RPS6KA3: variants seen among roughly 807,000 people sequenced by gnomAD.
The protein encoded by RPS6KA3 is ribosomal protein S6 kinase A3.
In RPS6KA3, 4 loss-of-function variants were observed where a neutral mutation model predicts 67.2. The observed-to-expected ratio is 0.06, with a 90% CI of 0.03 to 0.14. The LOEUF (loss-of-function observed/expected upper bound fraction) is 0.14, where lower values mean the gene tolerates loss of function less well. Ranked by LOEUF, RPS6KA3 falls within the 10% of genes least tolerant of loss-of-function variation. RPS6KA3 has a pLI of 1.00. For synonymous variants in RPS6KA3, 182 were observed against 183.7 expected (o/e 0.99, Z 0.07); for missense variants, 204 against 559.0 (o/e 0.36, Z 6.40).
intron 1 of RPS6KA3, among the ~76,000 whole-genome samples, chrX:20,255,939 A>C (rs1603432652): frequency 1.0e-5 from 1 of 97,541 alleles, no homozygotes; most frequent in African/African-American, 3.8e-5. Flanking sequence ...GAGAAACCCC[A>C]TTTCTACCAA....
chrX:20,231,815 G>C (rs1014020865), intron 2 of RPS6KA3, among the ~76,000 whole-genome samples: 2 of 111,189 alleles, frequency 1.8e-5, no homozygotes, highest in African/African-American at 6.6e-5. Flanking sequence ...GAGGCAGAGA[G>C]TGGAATGATG....
intron 1 of RPS6KA3, among the ~76,000 whole-genome samples, chrX:20,239,426 G>A (rs2069496073): frequency 9.0e-6 from 1 of 111,660 alleles, no homozygotes; most frequent in African/African-American, 3.2e-5. Flanking sequence ...ATTTATGTAT[G>A]TGCTATATTT....
At chrX:20,182,781 T>C (rs1245166390) in intron 10 of RPS6KA3, among the ~76,000 whole-genome samples, 4 of 111,974 alleles carry the variant, frequency 3.6e-5, no homozygotes, top group Non-Finnish European at 7.5e-5. Context: ...CAAAAACTGC[T>C]TTCCAAAGTG....
At chrX:20,163,929 A>G (rs934670522) in intron 18 of RPS6KA3, among the ~76,000 whole-genome samples, 2 of 111,767 alleles carry the variant, frequency 1.8e-5, no homozygotes, top group African/African-American at 6.5e-5. Context: ...TTGGCCTCCC[A>G]AAGTGCTAGG....
At chrX:20,160,442 T>A (rs1319095357) in intron 20 of RPS6KA3, among the ~76,000 whole-genome samples, 2 of 111,952 alleles carry the variant, frequency 1.8e-5, no homozygotes, top group African/African-American at 3.3e-5. Flanking sequence ...TTTATTTATT[T>A]TTTTGAGACA....
chrX:20,224,624 T>A (rs748546908), intron 2 of RPS6KA3, among the ~76,000 whole-genome samples: 5 of 111,780 alleles, frequency 4.5e-5, no homozygotes, highest in Non-Finnish European at 9.4e-5. Context: ...TAAGCACACA[T>A]CCATCAATAG....
chrX:20,241,559 A>G (rs1420823550), intron 1 of RPS6KA3: 3 of 110,114 alleles, frequency 2.7e-5, no homozygotes, highest in East Asian at 5.6e-4. Flanking sequence ...AATCAAAAGT[A>G]TAAGAAAACT....
rs1044724800 is a variant in RPS6KA3 at position 20,154,513 on chromosome X, T to C, written c.*885A>G. 8.9e-6 allele frequency: 1 copy of C among 112,561 alleles called. No homozygotes were observed. The highest frequency in any genetic ancestry group is 3.2e-5 in the African/African-American group (1 of 30,922). 9.3% of individuals were successfully genotyped at this position (112,561 alleles called of 1,213,427 possible). A position where few individuals can be genotyped will look rare whatever the true frequency, so the allele number is the denominator to read the frequency against. On this transcript the variant is annotated 3_prime_UTR_variant, in exon 22 of 22. Transcript: ENST00000379565. ...TGCCAAATTCTAAGTATGGATGCTATGTAAGATTAGAAGTGCAAGGACTAC... is the reference window on the plus strand; with the variant it reads ...TGCCAAATTCTAAGTATGGATGCTACGTAAGATTAGAAGTGCAAGGACTAC...
Position 20,152,159 on chromosome X carries a change from T to C in RPS6KA3, c.*3239A>G, listed in dbSNP as rs2067113612. ...ACACAAGCTTCATAGCATCTCAACT[T>C]TGGGCCTTGTCAAAATTATTACATT... On this transcript the variant is annotated 3_prime_UTR_variant, in exon 22 of 22. Transcript: ENST00000379565. 1.8e-5 allele frequency: 2 copies of C among 112,266 alleles called. No individual in the cohort carries two copies. Among genetic ancestry groups the C allele is most frequent in the African/African-American group, 6.5e-5 (2 of 30,784 alleles). 9.3% of individuals were successfully genotyped at this position (112,266 alleles called of 1,213,427 possible).
intron 1 of RPS6KA3, among the ~76,000 whole-genome samples, chrX:20,263,672 A>C (rs1427806689): frequency 8.9e-6 from 1 of 111,803 alleles, no homozygotes; most frequent in African/African-American, 3.2e-5. Context: ...GTCTTTTTAA[A>C]TTGTTCATAT....
At chrX:20,163,187 C>T (rs1446860834) in intron 18 of RPS6KA3, 147 bp from the exon 19 acceptor site, 10 of 460,378 alleles carry the variant, frequency 2.2e-5, no homozygotes, top group South Asian at 1.6e-4. Flanking sequence ...TACGTTAATC[C>T]GATTCTAGAA....
At chrX:20,228,738 T>C (rs1317050606) in intron 2 of RPS6KA3, among the ~76,000 whole-genome samples, 1 of 111,437 alleles carries the variant, frequency 9.0e-6, no homozygotes, top group African/African-American at 3.3e-5. Context: ...CATTAGGATA[T>C]TCCTCTAAAA....
intron 1 of RPS6KA3, among the ~76,000 whole-genome samples, chrX:20,259,082 C>T (rs1244934525): frequency 9.0e-6 from 1 of 111,423 alleles, no homozygotes; most frequent in East Asian, 2.8e-4. Context: ...AGCAAATACC[C>T]CTGACCCCAG....
chrX:20,226,190 A>C (rs755316197), intron 2 of RPS6KA3, among the ~76,000 whole-genome samples: 174 of 111,471 alleles, frequency 1.6e-3, no homozygotes, highest in Middle Eastern at 4.6e-3. Flanking sequence ...TAAATAAATA[A>C]ATACATAAAT....
At chrX:20,174,828 C>T (rs2067661020) in intron 14 of RPS6KA3, among the ~76,000 whole-genome samples, 1 of 111,833 alleles carries the variant, frequency 8.9e-6, no homozygotes, top group South Asian at 3.8e-4. Context: ...GATCTCCGCT[C>T]ACTGCAACCT....
In RPS6KA3 at chrX:20,228,932, G is replaced by A. The variant is rs148536830; in HGVS notation, c.126+5826C>T. On this transcript the variant is annotated intron_variant, in intron 2 of 21. Coordinates refer to ENST00000379565, the MANE Select transcript of RPS6KA3 (RefSeq NM_004586.3). Reference sequence around the variant, plus strand: ...AAGAGGACAAAAACAACTTTATTTTGCCATTTTTAAAGCTGCAAGTTTCCC... The same window carrying A: ...AAGAGGACAAAAACAACTTTATTTTACCATTTTTAAAGCTGCAAGTTTCCC... 7.3e-3 allele frequency among the ~76,000 whole-genome samples: 810 copies of A among 111,562 alleles called. 8 individuals carry two copies. The highest frequency in any genetic ancestry group is 0.025 in the African/African-American group (780 of 30,680).
At chrX:20,252,756 A>G (rs750640547) in intron 1 of RPS6KA3, among the ~76,000 whole-genome samples, 4 of 111,154 alleles carry the variant, frequency 3.6e-5, no homozygotes, top group African/African-American at 1.3e-4. Flanking sequence ...AGCTAACAAC[A>G]GGGGAGGGTA....
rs2067125587 is a variant in RPS6KA3 at position 20,152,843 on chromosome X, G to A, written c.*2555C>T. The stretch of plus-strand genomic sequence containing the variant: ...ATTATCTTCGAAAGAAATAAAAGTT[G>A]GCATCACATACCAGTAGAGGACTGC... On this transcript the variant is annotated 3_prime_UTR_variant, in exon 22 of 22. Coordinates refer to ENST00000379565, the MANE Select transcript of RPS6KA3 (RefSeq NM_004586.3). 1 of 111,931 alleles carries A rather than the reference G, an allele frequency of 8.9e-6. No homozygotes were observed. The highest frequency in any genetic ancestry group is 3.2e-5 in the African/African-American group (1 of 30,788). 9.2% of individuals were successfully genotyped at this position (111,931 alleles called of 1,213,427 possible).
chrX:20,160,753 T>G (rs948224158), intron 20 of RPS6KA3, among the ~76,000 whole-genome samples: 1 of 111,960 alleles, frequency 8.9e-6, no homozygotes, highest in African/African-American at 3.2e-5. Flanking sequence ...AATGCAGTTA[T>G]AAAACCAAAT....
Sources: allele counts gnomAD v4.1 joint callset (sites outside exome capture counted in the v4.1 genomes callset), GRCh38; gene constraint gnomAD v4.1.1; transcripts MANE v1.5; gene names NCBI Gene and HGNC (gene_info 2026-07-23, HGNC 2026-07-21).